The following RUBCN variants were observed in gnomAD, a reference collection of about 807,000 sequenced individuals.
RUBCN encodes rubicon autophagy regulator.
RUBCN carries 74 observed loss-of-function variants against 113.2 expected under a neutral mutation model. The ratio of observed to expected loss-of-function variants is 0.65; its 90% CI spans 0.54 to 0.79. The LOEUF (loss-of-function observed/expected upper bound fraction) is 0.79, where lower values mean the gene tolerates loss of function less well. Ranked by LOEUF, RUBCN falls within the 30% of genes least tolerant of loss-of-function variation. The pLI, the probability that RUBCN is intolerant of heterozygous loss-of-function variation, is 0.00. For missense variants in RUBCN, 1,109 were observed against 1,251.7 expected (o/e 0.89, Z 1.72); for synonymous variants, 480 against 490.0 (o/e 0.98, Z 0.27).
At chr3:197,702,513 A>G (rs1239090271) in intron 5 of RUBCN, among the ~76,000 whole-genome samples, 1 of 152,046 alleles carries the variant, frequency 6.6e-6, no homozygotes, top group Non-Finnish European at 1.5e-5. Context: ...AAATACAAAA[A>G]TTAGCTGGGC....
intron 11 of RUBCN, among the ~76,000 whole-genome samples, chr3:197,693,247 G>A (rs545485007): frequency 1.3e-5 from 2 of 152,300 alleles, no homozygotes; most frequent in East Asian, 3.9e-4. Context: ...AGCACCGACC[G>A]CAAGGGCAGA....
At position 197,681,806 on chromosome 3, in the gene RUBCN, GC is replaced by G; in HGVS notation, c.2191+28del. On this transcript the variant is annotated intron_variant, in intron 15 of 19. Transcript: ENST00000296343. The surrounding 1 kb of genome is among the most constrained non-coding windows in gnomAD (Gnocchi z 5.5). Reference sequence around the variant, plus strand: ...CGGGGAGGGTACAGAGCCTCTGGAGGCAGCATGGTGGGAAGGGAAGGCACTC... The same window carrying G: ...CGGGGAGGGTACAGAGCCTCTGGAGGAGCATGGTGGGAAGGGAAGGCACTC... 6.2e-7 allele frequency: 1 copy of G among 1,600,674 alleles called. No individual in the cohort carries two copies. The highest frequency in any genetic ancestry group is 1.3e-5 in the African/African-American group (1 of 74,744).
rs766243275 is a variant in RUBCN at position 197,677,004 on chromosome 3, G to T, written c.2527C>A (p.Leu843Met). 1 of 1,613,982 alleles carries T rather than the reference G, an allele frequency of 6.2e-7. No homozygotes were observed. Among genetic ancestry groups the T allele is most frequent in the East Asian group, 2.2e-5 (1 of 44,886 alleles). ...GAGTACAGGTGGAGGTCCTCTGTCAGGTGGCCTGGGACTGTGTCAAAGGAA... is the reference window on the plus strand; with the variant it reads ...GAGTACAGGTGGAGGTCCTCTGTCATGTGGCCTGGGACTGTGTCAAAGGAA... Reference protein sequence around the residue: ...LDSFDTVPGHLTEDLHLYSLN... With the variant: ...LDSFDTVPGHMTEDLHLYSLN... Residue 843 changes from leucine (L) to methionine (M), a missense_variant, in exon 18 of 20, where the codon CTG becomes ATG. Physicochemically the swap from Leu to Met is conservative, Grantham distance 15. Transcript: ENST00000296343.
rs1719578766 is a variant in RUBCN, at chr3:197,669,179, C to G, written c.*5839G>C. Among the ~76,000 whole-genome samples, 1 of 152,220 alleles carries G rather than the reference C, an allele frequency of 6.6e-6. No homozygotes were observed. Among genetic ancestry groups the G allele is most frequent in the Admixed American group, 6.5e-5 (1 of 15,294 alleles). ...TCCCTAATGTTACCATCTTACATTA[C>G]TGTAGTACTGGACATTTCCCAAAAC... On this transcript the variant is annotated 3_prime_UTR_variant, in exon 20 of 20. Transcript: ENST00000296343.
chr3:197,702,919 G>A (rs926235722), intron 5 of RUBCN, among the ~76,000 whole-genome samples: 3 of 152,026 alleles, frequency 2.0e-5, no homozygotes, highest in African/African-American at 4.8e-5. Context: ...AACTCTATCC[G>A]ATTCAAAACC....
At chr3:197,686,249 CTTTT>C (rs72044157) in intron 11 of RUBCN, among the ~76,000 whole-genome samples, 2 of 149,300 alleles carry the variant, frequency 1.3e-5, no homozygotes, top group African/African-American at 4.9e-5. Flanking sequence ...GAGAAGAAAC[CTTTT>C]TTTTTTCCTT....
At chr3:197,724,779 A>C (rs1726554698) in intron 1 of RUBCN, among the ~76,000 whole-genome samples, 1 of 152,240 alleles carries the variant, frequency 6.6e-6, no homozygotes, top group Admixed American at 6.5e-5. Context: ...TCTCAACATA[A>C]AAATATGAAA....
chr3:197,731,198 T>C (rs1401804056), intron 1 of RUBCN, among the ~76,000 whole-genome samples: 10 of 151,964 alleles, frequency 6.6e-5, no homozygotes, highest in African/African-American at 2.4e-4. Flanking sequence ...TGATGACTCT[T>C]AAGGAGCATG....
exon 1 of RUBCN, chr3:197,749,357 G>A: frequency 3.4e-6 from 4 of 1,168,192 alleles, no homozygotes; most frequent in South Asian, 1.6e-5. Context: ...GTACAGACAC[G>A]GGAAACGTTA....
upstream of RUBCN, among the ~76,000 whole-genome samples, chr3:197,740,073 T>G (rs1444252807): frequency 2.0e-5 from 3 of 152,032 alleles, no homozygotes; most frequent in Non-Finnish European, 4.4e-5. Flanking sequence ...ACTAAAATTG[T>G]AGCAAAAAGG....
In RUBCN at chr3:197,748,711, A is replaced by C. The variant is rs116659039; in HGVS notation, c.-116+558T>G. Among the ~76,000 whole-genome samples the C allele has an allele frequency of 9.6e-3, 1,465 of 152,326 alleles. 12 individuals carry two copies. The highest frequency in any genetic ancestry group is 0.033 in the African/African-American group (1,388 of 41,560). On this transcript the variant is annotated intron_variant, in intron 1 of 20. Coordinates refer to the RUBCN transcript ENST00000273582. ...ATTGTCACTGCAAGCTTTGCTTTAA[A>C]TTCAGGCCTGGAAAGGGGAGCTGGA... is the stretch of plus-strand genomic sequence containing the variant.
intron 16 of RUBCN, 111 bp from the exon 17 acceptor site, chr3:197,677,652 C>T: frequency 1.1e-6 from 1 of 913,974 alleles, no homozygotes; most frequent in Non-Finnish European, 1.8e-6. Context: ...TTGCATGCTG[C>T]ACCCAGAGCA....
chr3:197,696,977 G>C lies in RUBCN; in HGVS notation c.1334C>G (p.Pro445Arg), dbSNP rs372553512. The C allele has an allele frequency of 3.1e-6, 5 of 1,602,408 alleles. No individual in the cohort carries two copies. The highest frequency in any genetic ancestry group is 4.3e-6 in the Non-Finnish European group (5 of 1,169,458). The change falls in exon 8 of 20, where the codon CCC (proline) becomes CGC (arginine). Residue 445 changes from proline (P) to arginine (R), a missense_variant. Transcript: ENST00000296343. Reference protein sequence around the residue: ...YSGQSSEVSTPSSLYMEYEGG... With the variant: ...YSGQSSEVSTRSSLYMEYEGG... ...ACCATATTCCATGTACAGAGAGCTG[G>C]GTGTGCTGACTTCACTGCTTTGACC...
intron 1 of RUBCN, among the ~76,000 whole-genome samples, chr3:197,733,973 G>A (rs114517115): frequency 0.012 from 1,862 of 152,062 alleles, 43 homozygotes; most frequent in African/African-American, 0.043. Flanking sequence ...GTACAGACTC[G>A]GGCCGGGCAC....
intron 1 of RUBCN, among the ~76,000 whole-genome samples, chr3:197,719,212 C>T (rs900012052): frequency 6.6e-6 from 1 of 152,262 alleles, no homozygotes; most frequent in East Asian, 1.9e-4. Flanking sequence ...CGCAGTGGCT[C>T]ACACCTGTAA....
intron 11 of RUBCN, among the ~76,000 whole-genome samples, chr3:197,691,993 T>A (rs765662771): frequency 5.3e-4 from 81 of 151,820 alleles, no homozygotes; most frequent in Non-Finnish European, 1.0e-3. Flanking sequence ...CATACCTGAG[T>A]TTATGCTAAT....
At chr3:197,732,869 T>C (rs1246688128) in intron 1 of RUBCN, among the ~76,000 whole-genome samples, 1 of 152,148 alleles carries the variant, frequency 6.6e-6, no homozygotes, top group Non-Finnish European at 1.5e-5. Context: ...AAACAGTCAC[T>C]TGTGGGGGAG....
Position 197,670,073 on chromosome 3 carries a change from G to A in RUBCN, c.*4945C>T, listed in dbSNP as rs1442744309. The stretch of plus-strand genomic sequence containing the variant: ...CCAACTAGCTTTTGTATTTTTAGTA[G>A]AGACAAGGTTTCACCATGTTGGCCA... On this transcript the variant is annotated 3_prime_UTR_variant, in exon 20 of 20. Coordinates refer to ENST00000296343, the MANE Select transcript of RUBCN (RefSeq NM_014687.4). Among the ~76,000 whole-genome samples the A allele has an allele frequency of 6.6e-6, 1 of 152,148 alleles. No individual in the cohort carries two copies.
chr3:197,749,477 G>C lies in RUBCN; in HGVS notation c.-324C>G, dbSNP rs986058361. 4 of 1,278,584 alleles carry C rather than the reference G, an allele frequency of 3.1e-6. No individual in the cohort carries two copies. The Middle Eastern group carries it at 6.5e-4, about 206-fold the overall frequency. 79.2% of individuals were successfully genotyped at this position (1,278,584 alleles called of 1,614,324 possible). ...TAGGTGGAGGAGCGTGCCAGGGAGG[G>C]GGGAGCTGGGATGCAGCTGCAATCT... On this transcript the variant is annotated 5_prime_UTR_variant, in exon 1 of 21. Coordinates refer to the RUBCN transcript ENST00000273582.
Sources: gnomAD v4.1 joint callset for allele counts (sites outside exome capture counted in the v4.1 genomes callset) on GRCh38, gnomAD v4.1.1 for gene constraint, Gnocchi (gnomAD v3.1) non-coding constraint, MANE v1.5 for transcripts, NCBI Gene and HGNC (gene_info 2026-07-23, HGNC 2026-07-21) for gene names.